Variants in CD55 observed in about 807,000 individuals in gnomAD.
CD55 encodes CD55 molecule (Cromer blood group).
A neutral mutation model predicts 45.8 loss-of-function variants in CD55; 41 were observed. The ratio of observed to expected loss-of-function variants is 0.90; its 90% CI spans 0.70 to 1.16. CD55 has a LOEUF of 1.16. Among genes scored for constraint, CD55 ranks in the 50% most tolerant of loss-of-function variants. The pLI is 0.00. For synonymous variants in CD55, 181 were observed against 181.1 expected (o/e 1.00, Z 0.01); for missense variants, 416 against 469.8 (o/e 0.89, Z 1.06).
At chr1:207,345,740 CT>C (rs1247946005) in intron 9 of CD55, among the ~76,000 whole-genome samples, 2 of 152,134 alleles carry the variant, frequency 1.3e-5, no homozygotes, top group Admixed American at 6.5e-5. Context: ...TAGGGGAGGA[CT>C]TTTCCTGAAG....
At chr1:207,342,870 T>TA (rs2102419024) in intron 9 of CD55, among the ~76,000 whole-genome samples, 1 of 152,262 alleles carries the variant, frequency 6.6e-6, no homozygotes, top group African/African-American at 2.4e-5. Flanking sequence ...AATTCAGTCT[T>TA]ACTACTCATT....
At chr1:207,329,605 CTCTTTTTTT>C (rs1654849397) in intron 5 of CD55, among the ~76,000 whole-genome samples, 1 of 151,836 alleles carries the variant, frequency 6.6e-6, no homozygotes, top group South Asian at 2.1e-4. Context: ...TTCCATGTAC[CTCTTTTTTT>C]TCTTTTTTTT....
At chr1:207,352,263 C>T (rs1655895557) in intron 9 of CD55, among the ~76,000 whole-genome samples, 3 of 151,364 alleles carry the variant, frequency 2.0e-5, no homozygotes, top group East Asian at 1.9e-4. Flanking sequence ...GTGGGGGGTG[C>T]GTTAATTCTT....
intron 7 of CD55, 195 bp from the exon 8 acceptor site, chr1:207,337,134 C>T: frequency 6.6e-6 from 4 of 607,460 alleles, no homozygotes; most frequent in South Asian, 6.0e-5. Context: ...TCTACAAAGA[C>T]CCCTTCTGCA....
At chr1:207,327,555 A>T (rs2102387468) in intron 5 of CD55, among the ~76,000 whole-genome samples, 1 of 152,294 alleles carries the variant, frequency 6.6e-6, no homozygotes, top group South Asian at 2.1e-4. Flanking sequence ...AATACATGCA[A>T]CATTTTAAAA....
intron 2 of CD55, 54 bp downstream of exon 2, chr1:207,322,621 TA>T: frequency 4.3e-6 from 6 of 1,398,396 alleles, no homozygotes; most frequent in Non-Finnish European, 5.9e-6. Context: ...ATCTTAAATT[TA>T]TTTTTATATA....
Position 207,359,796 on chromosome 1 carries a change from C to G in CD55, c.*186C>G, listed in dbSNP as rs1450382602. ...AAAAAGGCAGTCCTGGAATCACATT[C>G]TTAGCACACCTACACCTCTTGAAAA... On this transcript the variant is annotated 3_prime_UTR_variant, in exon 10 of 10. Coordinates refer to ENST00000367064, the MANE Select transcript of CD55 (RefSeq NM_000574.5). The G allele has an allele frequency of 1.8e-6, 1 of 552,648 alleles. No homozygotes were observed. Among genetic ancestry groups the G allele is most frequent in the Non-Finnish European group, 2.9e-6 (1 of 345,840 alleles). 34.2% of individuals were successfully genotyped at this position (552,648 alleles called of 1,614,324 possible).
chr1:207,331,008 T>C, intron 5 of CD55, 100 bp from the exon 6 acceptor site: 1 of 911,106 alleles, frequency 1.1e-6, no homozygotes. Flanking sequence ...AATGATATTT[T>C]GATTTCTTTA....
Position 207,321,805 on chromosome 1 carries a change from C to A in CD55, c.40C>A (p.Leu14Ile). The A allele has an allele frequency of 1.3e-6, 2 of 1,527,584 alleles. No individual in the cohort carries two copies. Among genetic ancestry groups the A allele is most frequent in the Non-Finnish European group, 1.7e-6 (2 of 1,143,108 alleles). 94.6% of individuals were successfully genotyped at this position (1,527,584 alleles called of 1,614,324 possible). A position where few individuals can be genotyped will look rare whatever the true frequency, so the allele number is the denominator to read the frequency against. ...GCCGAGCGTGCCCGCGGCGCTGCCC[C>A]TCCTCGGGGAGCTGCCCCGGCTGCT... The part of the protein sequence containing the change: ...ARPSVPAALP[L>I]LGELPRLLLL... The change falls in exon 1 of 10, where the codon CTC (leucine) becomes ATC (isoleucine). Residue 14 changes from leucine to isoleucine, a missense_variant. Transcript: ENST00000367064.
rs1176764780 is a variant in CD55 at position 207,324,540 on chromosome 1, C to T, written c.287-19C>T. ...ATTGATACTACATTTTTTGTTGCTGCTTTTGTTAATACTTTTAGGTAGCTG... is the reference window on the plus strand; with the variant it reads ...ATTGATACTACATTTTTTGTTGCTGTTTTTGTTAATACTTTTAGGTAGCTG... On this transcript the variant is annotated intron_variant, in intron 2 of 9. Transcript: ENST00000367064. The T allele has an allele frequency of 1.3e-6, 2 of 1,504,698 alleles. No individual in the cohort carries two copies. The highest frequency in any genetic ancestry group is 2.3e-5 in the Admixed American group (1 of 43,774). The allele number at this position is 1,504,698 out of a possible 1,614,324, so 93.2% of individuals were successfully genotyped here.
intron 2 of CD55, among the ~76,000 whole-genome samples, chr1:207,323,450 G>A (rs1654524239): frequency 6.6e-6 from 1 of 151,944 alleles, no homozygotes. Context: ...AAGAAATGAA[G>A]ATTTCTTGTT....
chr1:207,328,868 A>G (rs1654805906), intron 5 of CD55, among the ~76,000 whole-genome samples: 1 of 152,178 alleles, frequency 6.6e-6, no homozygotes, highest in South Asian at 2.1e-4. Context: ...TAACATTTTC[A>G]GGGCCCAGGC....
At chr1:207,337,456 A>G (rs566046443) in intron 8 of CD55, 47 bp downstream of exon 8, 6 of 1,013,720 alleles carry the variant, frequency 5.9e-6, no homozygotes, top group Middle Eastern at 2.1e-4. Context: ...CTAATGTGCT[A>G]TGGTGGAAAT....
chr1:207,336,593 G>T (rs932371858), intron 6 of CD55, 100 bp from the exon 7 acceptor site: 2 of 1,356,280 alleles, frequency 1.5e-6, no homozygotes, highest in Admixed American at 4.2e-5. Flanking sequence ...AGGTGTTTGT[G>T]GGGAGAGAGA....
intron 5 of CD55, among the ~76,000 whole-genome samples, chr1:207,327,865 C>CA (rs1654757323): frequency 3.9e-5 from 6 of 152,092 alleles, no homozygotes; most frequent in Admixed American, 2.6e-4. Flanking sequence ...ATACTACTAC[C>CA]TTTTTTTTCT....
chr1:207,346,824 CT>C (rs1169160430), intron 9 of CD55, among the ~76,000 whole-genome samples: 2 of 152,162 alleles, frequency 1.3e-5, no homozygotes, highest in Admixed American at 1.3e-4. Flanking sequence ...AACTTACTCT[CT>C]GGAGTAATGC....
chr1:207,340,460 G>C, intron 9 of CD55: 1 of 676,702 alleles, frequency 1.5e-6, no homozygotes, highest in Non-Finnish European at 2.7e-6. Context: ...CGAACTCCTG[G>C]GTTCAAGCGA....
intron 9 of CD55, among the ~76,000 whole-genome samples, chr1:207,349,239 G>A (rs1032332786): frequency 2.7e-5 from 4 of 150,254 alleles, no homozygotes; most frequent in African/African-American, 9.8e-5. Flanking sequence ...CTGGAGTGCA[G>A]TGGCATGATC....
intron 9 of CD55, among the ~76,000 whole-genome samples, chr1:207,354,774 C>A (rs761431013): frequency 4.1e-4 from 63 of 152,078 alleles, no homozygotes; most frequent in Non-Finnish European, 6.2e-4. Flanking sequence ...TGAGAAGATA[C>A]GTAGAATTTT....
Sources: gnomAD v4.1 joint callset for allele counts (sites outside exome capture counted in the v4.1 genomes callset) on GRCh38, gnomAD v4.1.1 for gene constraint, MANE v1.5 for transcripts, NCBI Gene and HGNC (gene_info 2026-07-23, HGNC 2026-07-21) for gene names.